ARPC3: variants seen among roughly 807,000 people sequenced by gnomAD.
The protein encoded by ARPC3 is actin related protein 2/3 complex subunit 3, also known as actin-related protein 2/3 complex subunit 3.
Under a neutral mutation model 27.6 loss-of-function variants are expected in ARPC3, and 12 were observed. That is an observed-to-expected ratio of 0.43 (90% CI 0.28 to 0.70). The LOEUF (loss-of-function observed/expected upper bound fraction) is 0.70. ARPC3 is among the 30% of genes least tolerant of loss of function. ARPC3 has a pLI of 0.17. For missense variants in ARPC3, 153 were observed against 207.7 expected (o/e 0.74, Z 1.62); for synonymous variants, 53 against 67.2 (o/e 0.79, Z 1.03).
At chr12:110,450,220 C>T (rs1165658065) in intron 1 of ARPC3, 35 bp downstream of exon 1, 4 of 1,613,786 alleles carry the variant, frequency 2.5e-6, no homozygotes, top group Non-Finnish European at 3.4e-6. Context: ...TTCGCAATCC[C>T]CGCTGTCTCC....
chr12:110,446,270 T>G (rs913357013), intron 1 of ARPC3, among the ~76,000 whole-genome samples: 8 of 149,998 alleles, frequency 5.3e-5, no homozygotes, highest in African/African-American at 2.0e-4. Flanking sequence ...ACTACAGGTG[T>G]GAGCCACCAC....
intron 2 of ARPC3, among the ~76,000 whole-genome samples, chr12:110,443,828 G>C (rs1485985183): frequency 1.3e-5 from 2 of 152,196 alleles, no homozygotes; most frequent in African/African-American, 2.4e-5. Context: ...ATGACAGGAG[G>C]GGGCAAAGGC....
In ARPC3 at chr12:110,439,614, T is replaced by A. The variant is rs534173110; in HGVS notation, c.183+698A>T. On this transcript the variant is annotated intron_variant, in intron 3 of 6. Transcript: ENST00000228825. ...CTGAGAGGCTGAGGTGAGCGGATCA[T>A]GAGGTCAGGAGATCGAGACACCATC... Among the ~76,000 whole-genome samples, 7 of 152,212 alleles carry A rather than the reference T, an allele frequency of 4.6e-5. No homozygotes were observed. The South Asian group carries it at 1.2e-3, about 27-fold the overall frequency.
intron 2 of ARPC3, among the ~76,000 whole-genome samples, chr12:110,444,130 CG>C (rs1400913993): frequency 2.6e-5 from 4 of 151,514 alleles, no homozygotes; most frequent in East Asian, 1.9e-4. Context: ...CCACCATGCC[CG>C]GCTGATTGTT....
chr12:110,445,471 T>C lies in ARPC3; in HGVS notation c.87A>G (p.Lys29=). Residue 29 remains lysine (K), a synonymous_variant, in exon 2 of 7, where the codon AAA becomes AAG. Transcript: ENST00000228825. ...MALLPIRSQF[K]GPAPRETKDT... ...ACTTACTCTCTCTGGGGGCAGGTCC[T>C]TTGAATTGACTTCTGATAGGCAACA... 1 of 1,612,188 alleles carries C rather than the reference T, an allele frequency of 6.2e-7. No individual in the cohort carries two copies. The highest frequency in any genetic ancestry group is 8.5e-7 in the Non-Finnish European group (1 of 1,178,200).
At chr12:110,441,367 G>A (rs996742143) in intron 2 of ARPC3, among the ~76,000 whole-genome samples, 3 of 151,866 alleles carry the variant, frequency 2.0e-5, no homozygotes, top group African/African-American at 4.8e-5. Flanking sequence ...TCCTGACCTC[G>A]TGATCTGCCT....
intron 2 of ARPC3, chr12:110,442,696 G>GA (rs2062444612): frequency 6.6e-6 from 1 of 151,816 alleles, no homozygotes; most frequent in Non-Finnish European, 1.5e-5. Flanking sequence ...TATAGTTTCA[G>GA]AAAAAAACTC....
Position 110,437,083 on chromosome 12 carries a change from C to A in ARPC3, c.252+1G>T. 1 of 1,585,032 alleles carries A rather than the reference C, an allele frequency of 6.3e-7. No homozygotes were observed. Among genetic ancestry groups the A allele is most frequent in the Non-Finnish European group, 8.7e-7 (1 of 1,153,776 alleles). On this transcript the variant is annotated splice_donor_variant, in intron 4 of 6. Coordinates refer to ENST00000228825, the MANE Select transcript of ARPC3 (RefSeq NM_001278556.2). LOFTEE classifies it high-confidence loss of function. Reference sequence around the variant, plus strand: ...ATATACAATCATCCAAGTTTAATTACCTTTTGCAGTTTCTTCAGACATTCA... The same window carrying A: ...ATATACAATCATCCAAGTTTAATTAACTTTTGCAGTTTCTTCAGACATTCA...
rs772336489 is a variant in ARPC3, at chr12:110,450,255, C to T, written c.6G>A (p.Pro2=). 41 of 1,614,110 alleles carry T rather than the reference C, an allele frequency of 2.5e-5. No individual in the cohort carries two copies. The highest frequency in any genetic ancestry group is 3.4e-5 in the Non-Finnish European group (40 of 1,179,980). The change falls in exon 1 of 7, where the codon CCG becomes CCA. Residue 2 remains proline, a splice_region_variant and synonymous_variant. Coordinates refer to ENST00000228825, the MANE Select transcript of ARPC3 (RefSeq NM_001278556.2). M[P]AYHSSLMDPD... ...CCCACACCGTGGATCGAACCCTCAC[C>T]GGCATCTTGGCGGCGCCCGGGTTTC... is the stretch of plus-strand genomic sequence containing the variant.
intron 1 of ARPC3, among the ~76,000 whole-genome samples, chr12:110,446,390 C>G (rs978877031): frequency 2.7e-5 from 4 of 149,614 alleles, no homozygotes; most frequent in African/African-American, 9.8e-5. Flanking sequence ...CTCCGCCTCC[C>G]GGGTTCAAGT....
intron 3 of ARPC3, 29 bp from the exon 4 acceptor site, chr12:110,437,181 C>CA: frequency 1.4e-6 from 2 of 1,427,940 alleles, no homozygotes; most frequent in Non-Finnish European, 2.0e-6. Flanking sequence ...GACTTAAAAA[C>CA]AGTTATCAAA....
At chr12:110,448,782 G>T (rs1471247218) in intron 1 of ARPC3, among the ~76,000 whole-genome samples, 1 of 108,434 alleles carries the variant, frequency 9.2e-6, no homozygotes, top group Non-Finnish European at 2.0e-5. Context: ...TTTTTCCGGG[G>T]GGGGGGGGGG....
At chr12:110,445,640 G>C in intron 1 of ARPC3, 89 bp from the exon 2 acceptor site, 1 of 974,656 alleles carries the variant, frequency 1.0e-6, no homozygotes. Flanking sequence ...GAAAAAAAGA[G>C]TAAACCACCC....
intron 2 of ARPC3, among the ~76,000 whole-genome samples, chr12:110,441,322 G>A (rs1055736420): frequency 6.6e-6 from 1 of 151,128 alleles, no homozygotes; most frequent in Non-Finnish European, 1.5e-5. Context: ...TAGTAGAAAT[G>A]GGGTTTCACC....
At chr12:110,449,092 T>C (rs751805204) in intron 1 of ARPC3, among the ~76,000 whole-genome samples, 3 of 152,040 alleles carry the variant, frequency 2.0e-5, no homozygotes, top group Non-Finnish European at 4.4e-5. Flanking sequence ...AGCTTCTTTA[T>C]AGCATTTGTC....
At chr12:110,438,722 C>T (rs2062419374) in intron 3 of ARPC3, among the ~76,000 whole-genome samples, 1 of 150,686 alleles carries the variant, frequency 6.6e-6, no homozygotes, top group African/African-American at 2.4e-5. Context: ...TGGCTCACCG[C>T]AACCTCTGCC....
chr12:110,436,682 C>G lies in ARPC3; in HGVS notation c.254G>C (p.Cys85Ser). The change falls in exon 5 of 7, where the codon TGC (cysteine) becomes TCC (serine). Residue 85 changes from cysteine to serine, a missense_variant and splice_region_variant. By Grantham distance (112) the Cys-to-Ser change is moderately radical (BLOSUM62 -1). Transcript: ENST00000228825. ...ISECLKKLQK[C>S]NSKSQGEKEM... ...TTTCTCACCTTGGCTTTTGGAATTG[C>G]ACTGGAAAAAAAAATATATATATAT... The G allele has an allele frequency of 6.8e-7, 1 of 1,464,438 alleles. No homozygotes were observed. Among genetic ancestry groups the G allele is most frequent in the Non-Finnish European group, 9.3e-7 (1 of 1,080,798 alleles). 90.7% of individuals were successfully genotyped at this position (1,464,438 alleles called of 1,614,324 possible). A position where few individuals can be genotyped will look rare whatever the true frequency, so the allele number is the denominator to read the frequency against.
intron 2 of ARPC3, among the ~76,000 whole-genome samples, chr12:110,444,241 G>C (rs977928350): frequency 6.6e-6 from 1 of 151,896 alleles, no homozygotes. Flanking sequence ...AAAGTGCTGG[G>C]ATTATAGGTG....
chr12:110,450,126 C>T (rs1592957511), intron 1 of ARPC3, 129 bp downstream of exon 1: 1 of 1,366,616 alleles, frequency 7.3e-7, no homozygotes, highest in East Asian at 2.5e-5. Context: ...CCCCTCCCCT[C>T]GCCTCCCTCC....
Sources: gnomAD v4.1 joint callset for allele counts (sites outside exome capture counted in the v4.1 genomes callset) on GRCh38, gnomAD v4.1.1 for gene constraint, MANE v1.5 for transcripts, NCBI Gene and HGNC (gene_info 2026-07-23, HGNC 2026-07-21) for gene names.